DOCK1: variants seen among roughly 807,000 people sequenced by gnomAD.
The protein encoded by DOCK1 is dedicator of cytokinesis 1.
A neutral mutation model predicts 262.7 loss-of-function variants in DOCK1; 138 were observed. The observed-to-expected ratio is 0.53, with a 90% CI of 0.46 to 0.61. DOCK1 has a LOEUF of 0.61. Among genes scored for constraint, DOCK1 ranks in the 20% least tolerant of loss-of-function variants. The probability of loss-of-function intolerance (pLI) is 0.00; values close to 1 mark genes in which losing one functional copy is unlikely to be tolerated. For synonymous variants in DOCK1, 866 were observed against 867.4 expected (o/e 1.00, Z 0.03); for missense variants, 1,908 against 2,370.7 (o/e 0.80, Z 4.05).
intron 1 of DOCK1, among the ~76,000 whole-genome samples, chr10:126,947,812 GGTGGTGGTGGTTGGT>G (rs2035651142): frequency 2.4e-5 from 3 of 123,774 alleles, no homozygotes; most frequent in Admixed American, 7.6e-5. Context: ...TGTTGGTGGT[GGTGGTGGTGGTTGGT>G]AGTATTACTG....
At chr10:126,941,293 T>C (rs2034960079) in intron 1 of DOCK1, among the ~76,000 whole-genome samples, 1 of 152,220 alleles carries the variant, frequency 6.6e-6, no homozygotes, top group Non-Finnish European at 1.5e-5. Context: ...TGCTATACTG[T>C]GTAAAGAAAC....
chr10:127,447,271 T>C, intron 50 of DOCK1, 123 bp from the exon 51 acceptor site: 1 of 1,418,674 alleles, frequency 7.0e-7, no homozygotes, highest in Non-Finnish European at 9.6e-7. Flanking sequence ...TGACAAACGT[T>C]TTCTGCCAGA....
At chr10:127,438,919 A>T in intron 48 of DOCK1, 108 bp from the exon 49 acceptor site, 3 of 1,204,200 alleles carry the variant, frequency 2.5e-6, no homozygotes, top group Non-Finnish European at 3.4e-6. Context: ...CTTTTAAATC[A>T]CTGCTTTCAT....
At chr10:127,180,156 T>C (rs936692245) in intron 27 of DOCK1, among the ~76,000 whole-genome samples, 1 of 152,234 alleles carries the variant, frequency 6.6e-6, no homozygotes, top group African/African-American at 2.4e-5. Flanking sequence ...CTGAAACTCA[T>C]CTGAGCAATG....
chr10:127,159,089 T>C (rs918958992), intron 27 of DOCK1, among the ~76,000 whole-genome samples: 2 of 152,160 alleles, frequency 1.3e-5, no homozygotes, highest in Admixed American at 6.5e-5. Flanking sequence ...TATAAGAACA[T>C]AGACTCTGCG....
rs3070212 is a variant in DOCK1, at chr10:127,036,003, AAAATAAATAAAT to A, written c.1913-1684_1913-1673del. On this transcript the variant is annotated intron_variant, in intron 18 of 51. Transcript: ENST00000623213. The stretch of plus-strand genomic sequence containing the variant: ...TATGACAGAGTGAGACCCTGTCTCA[AAAATAAATAAAT>A]AAATAAATAAATAAATAAATAAATA... Among the ~76,000 whole-genome samples the A allele has an allele frequency of 2.6e-3, 356 of 139,104 alleles. 1 individual carries two copies. Among genetic ancestry groups the A allele is most frequent in the African/African-American group, 9.0e-3 (333 of 37,182 alleles). 91.3% of individuals were successfully genotyped at this position (139,104 alleles called of 152,430 possible).
In DOCK1 at chr10:127,061,739, T is replaced by C. The variant is rs2045541809; in HGVS notation, c.2408T>C (p.Met803Thr). 6.3e-7 allele frequency: 1 copy of C among 1,595,912 alleles called. No homozygotes were observed. Among genetic ancestry groups the C allele is most frequent in the African/African-American group, 1.3e-5 (1 of 74,752 alleles). Residue 803 changes from methionine to threonine, a missense_variant, in exon 23 of 52, where the codon ATG becomes ACG. By Grantham distance (81) the Met-to-Thr change is moderately conservative. Coordinates refer to ENST00000623213, the MANE Select transcript of DOCK1 (RefSeq NM_001290223.2). ...LLQLFRSIND[M>T]MSSMSDQTVR... is the part of the protein sequence containing the mutation. ...CAGCTCTTCAGGTCCATCAATGACA[T>C]GATGAGCAGCATGTCAGACCAGACC...
At chr10:126,915,490 C>T (rs1424881090) in intron 1 of DOCK1, among the ~76,000 whole-genome samples, 2 of 152,102 alleles carry the variant, frequency 1.3e-5, no homozygotes, top group Non-Finnish European at 2.9e-5. Context: ...ACAATCTTGG[C>T]CCACTGCAAC....
chr10:127,018,748 C>T lies in DOCK1; in HGVS notation c.1240C>T (p.His414Tyr), dbSNP rs2042193000. The T allele has an allele frequency of 1.2e-6, 2 of 1,613,964 alleles. No homozygotes were observed. The highest frequency in any genetic ancestry group is 1.7e-6 in the Non-Finnish European group (2 of 1,179,888). ...VTLKLLPGDI[H>Y]QIRKEFPHLV... Reference sequence around the variant, plus strand: ...ATTGAAATTACTTCCTGGAGATATCCATCAGATCCGAAAAGAGTTTCCGCA... The same window carrying T: ...ATTGAAATTACTTCCTGGAGATATCTATCAGATCCGAAAAGAGTTTCCGCA... Residue 414 changes from histidine (H) to tyrosine (Y), a missense_variant, in exon 13 of 52, where the codon CAT (histidine) becomes TAT (tyrosine). His to Tyr is a moderately conservative substitution (Grantham distance 83, BLOSUM62 2). This residue lies in a region of DOCK1 where 294 missense variants were observed against 439.9 expected (regional missense o/e 0.67). Coordinates refer to ENST00000623213, the MANE Select transcript of DOCK1 (RefSeq NM_001290223.2).
intron 29 of DOCK1, among the ~76,000 whole-genome samples, chr10:127,270,230 G>T (rs891887319): frequency 6.6e-6 from 1 of 152,158 alleles, no homozygotes. Context: ...ACTTCCAAAC[G>T]TGTTTGAACA....
At chr10:127,381,579 A>G (rs1466608713) in intron 37 of DOCK1, among the ~76,000 whole-genome samples, 2 of 152,232 alleles carry the variant, frequency 1.3e-5, no homozygotes, top group Non-Finnish European at 2.9e-5. Flanking sequence ...ATTAGATGTC[A>G]TAGCAGGTGA....
intron 27 of DOCK1, among the ~76,000 whole-genome samples, chr10:127,229,296 A>G (rs1464607661): frequency 6.6e-6 from 1 of 152,156 alleles, no homozygotes; most frequent in Non-Finnish European, 1.5e-5. Context: ...TGTGCAGTAT[A>G]TTGCTATTAA....
intron 29 of DOCK1, chr10:127,272,267 G>A (rs771167445): frequency 2.2e-4 from 33 of 152,208 alleles, no homozygotes; most frequent in Middle Eastern, 3.2e-3. Context: ...CTGACAGCTT[G>A]ATCTTTTCAG....
chr10:127,337,133 G>A lies in DOCK1; in HGVS notation c.3045-1873G>A, dbSNP rs1244774463. ...AATTGTGTTAGTGGTCAGAAGCCCC[G>A]TGTCCTTATGCATCACGGCACAGCC... On this transcript the variant is annotated intron_variant, in intron 29 of 51. Transcript: ENST00000623213. Among the ~76,000 whole-genome samples the A allele has an allele frequency of 2.0e-5, 3 of 152,136 alleles. No individual in the cohort carries two copies. In the East Asian group the frequency reaches 5.8e-4, roughly 29 times the overall value.
At chr10:127,166,019 C>G (rs2054039003) in intron 27 of DOCK1, among the ~76,000 whole-genome samples, 1 of 152,178 alleles carries the variant, frequency 6.6e-6, no homozygotes, top group Non-Finnish European at 1.5e-5. Flanking sequence ...TCCAGACTTG[C>G]ATTAGCAAAA....
At chr10:127,124,258 A>G (rs955468285) in intron 25 of DOCK1, among the ~76,000 whole-genome samples, 2 of 152,216 alleles carry the variant, frequency 1.3e-5, no homozygotes, top group Non-Finnish European at 2.9e-5. Flanking sequence ...ACATGTTTTA[A>G]TGTATCTTTA....
chr10:127,047,455 G>C (rs989357866), intron 21 of DOCK1, among the ~76,000 whole-genome samples: 2 of 152,202 alleles, frequency 1.3e-5, no homozygotes, highest in African/African-American at 4.8e-5. Context: ...TTGTTATTAA[G>C]ATTATGACTA....
At chr10:127,391,813 A>G (rs1277677932) in intron 38 of DOCK1, among the ~76,000 whole-genome samples, 1 of 151,978 alleles carries the variant, frequency 6.6e-6, no homozygotes, top group African/African-American at 2.4e-5. Context: ...CTCCTCCCCA[A>G]GGCCCCATGC....
intron 22 of DOCK1, among the ~76,000 whole-genome samples, chr10:127,057,342 A>G (rs757046814): frequency 7.2e-5 from 11 of 152,304 alleles, no homozygotes; most frequent in South Asian, 6.2e-4. Context: ...AAAATGGTCT[A>G]TTGTGTTTTC....
Sources: gnomAD v4.1 joint callset for allele counts (sites outside exome capture counted in the v4.1 genomes callset) on GRCh38, gnomAD v4.1.1 for gene constraint, gnomAD v4.1.1 regional missense constraint, MANE v1.5 for transcripts, NCBI Gene and HGNC (gene_info 2026-07-23, HGNC 2026-07-21) for gene names.